DOCK2: variants seen among roughly 807,000 people sequenced by gnomAD.
The protein encoded by DOCK2 is dedicator of cytokinesis protein 2.
A neutral mutation model predicts 248.9 loss-of-function variants in DOCK2; 87 were observed. The observed-to-expected ratio is 0.35, with a 90% CI of 0.29 to 0.42. DOCK2 has a LOEUF of 0.42. Among genes scored for constraint, DOCK2 ranks in the 10% least tolerant of loss-of-function variants. DOCK2 has a pLI of 1.00. For synonymous variants in DOCK2, 805 were observed against 821.6 expected (o/e 0.98, Z 0.35); for missense variants, 1,747 against 2,300.2 (o/e 0.76, Z 4.92).
intron 44 of DOCK2, among the ~76,000 whole-genome samples, chr5:170,061,796 G>C (rs1260518920): frequency 6.6e-6 from 1 of 152,160 alleles, no homozygotes; most frequent in Non-Finnish European, 1.5e-5. Flanking sequence ...TTCAGATATG[G>C]CAGTCTATTG....
chr5:169,641,706 G>A (rs1371382078), intron 1 of DOCK2, among the ~76,000 whole-genome samples: 4 of 152,156 alleles, frequency 2.6e-5, no homozygotes, highest in African/African-American at 7.2e-5. Flanking sequence ...CTCTGAGCAT[G>A]CCAACTGTGG....
chr5:169,865,681 G>A (rs1373160553), intron 27 of DOCK2, among the ~76,000 whole-genome samples: 2 of 152,242 alleles, frequency 1.3e-5, no homozygotes, highest in Non-Finnish European at 2.9e-5. Context: ...TGAGGAGCCA[G>A]CGTGGGAGTG....
At chr5:169,666,113 C>T (rs1387642123) in intron 2 of DOCK2, among the ~76,000 whole-genome samples, 2 of 152,080 alleles carry the variant, frequency 1.3e-5, no homozygotes, top group African/African-American at 4.8e-5. Context: ...ATCTAGGCAC[C>T]AGCAGATCTG....
At chr5:169,801,147 T>G (rs10038728) in intron 25 of DOCK2, among the ~76,000 whole-genome samples, 8,284 of 17,954 alleles carry the variant, frequency 0.46, 676 homozygotes, top group Middle Eastern at 0.54. Context: ...TAGTTTTGGG[T>G]TTTTTTTTTT....
intron 29 of DOCK2, among the ~76,000 whole-genome samples, chr5:169,989,246 CT>C (rs1318266132): frequency 2.6e-5 from 4 of 152,216 alleles, no homozygotes; most frequent in African/African-American, 9.6e-5. Flanking sequence ...GAGTGTTTTT[CT>C]TTTTGGTAAG....
intron 2 of DOCK2, among the ~76,000 whole-genome samples, chr5:169,668,160 G>A (rs1227925150): frequency 2.6e-5 from 4 of 152,152 alleles, no homozygotes; most frequent in African/African-American, 4.8e-5. Flanking sequence ...GATAATAACC[G>A]TTCCTACTTC....
At chr5:170,000,874 A>G (rs778154782) in intron 30 of DOCK2, among the ~76,000 whole-genome samples, 52 of 152,332 alleles carry the variant, frequency 3.4e-4, no homozygotes, top group Non-Finnish European at 5.9e-4. Flanking sequence ...TAGTAGAGGC[A>G]TGAGAGCCAC....
chr5:169,945,337 T>C (rs1181251185), intron 27 of DOCK2, among the ~76,000 whole-genome samples: 2 of 152,246 alleles, frequency 1.3e-5, no homozygotes, highest in Non-Finnish European at 2.9e-5. Context: ...AGAAGACATA[T>C]ATAATTTTGG....
At chr5:170,061,851 T>C (rs1388020328) in intron 44 of DOCK2, among the ~76,000 whole-genome samples, 2 of 152,270 alleles carry the variant, frequency 1.3e-5, no homozygotes, top group Non-Finnish European at 2.9e-5. Context: ...GCGGTGGTGA[T>C]AGATTTTCAG....
In DOCK2 at chr5:169,845,317, G is replaced by A. The variant is rs577842428; in HGVS notation, c.2799+4465G>A. 5.3e-5 allele frequency among the ~76,000 whole-genome samples: 8 copies of A among 152,018 alleles called. 1 individual carries two copies. Among genetic ancestry groups the A allele is most frequent in the Admixed American group, 2.6e-4 (4 of 15,246 alleles). On this transcript the variant is annotated intron_variant, in intron 27 of 51. Transcript: ENST00000520908. ...CTGTCCCTTGCCCTGTGTTCTCCGA[G>A]GCCCTGTGCATACTTAGGTCACTGT...
At chr5:169,833,496 C>T (rs1040061116) in intron 26 of DOCK2, among the ~76,000 whole-genome samples, 9 of 152,108 alleles carry the variant, frequency 5.9e-5, no homozygotes, top group African/African-American at 1.9e-4. Flanking sequence ...ACAAAGTTTC[C>T]GGAAATGGTA....
intron 26 of DOCK2, among the ~76,000 whole-genome samples, chr5:169,824,995 T>A (rs1176468168): frequency 6.6e-6 from 1 of 152,194 alleles, no homozygotes; most frequent in African/African-American, 2.4e-5. Flanking sequence ...AAGACATTTA[T>A]GCAGCCAAAA....
At chr5:169,997,110 G>GGA in intron 30 of DOCK2, among the ~76,000 whole-genome samples, 1 of 151,484 alleles carries the variant, frequency 6.6e-6, no homozygotes, top group East Asian at 1.9e-4. Flanking sequence ...ACAATTGTGG[G>GGA]GAGAGGGTCA....
rs1772726500 is a variant in DOCK2 at position 169,882,702 on chromosome 5, A to G, written c.2799+41850A>G. ...CACCCCGTGCCAGGTGAATTTGATT[A>G]ATGTCACTAATCTCCCTGTTGCTCT... is the stretch of plus-strand genomic sequence containing the variant. On this transcript the variant is annotated intron_variant, in intron 27 of 51. Coordinates refer to ENST00000520908, the MANE Select transcript of DOCK2 (RefSeq NM_004946.3). 1.9e-6 allele frequency: 3 copies of G among 1,551,892 alleles called. No individual in the cohort carries two copies. In the African/African-American group the frequency reaches 4.1e-5, roughly 21 times the overall value.
intron 33 of DOCK2, among the ~76,000 whole-genome samples, chr5:170,021,774 G>A (rs1310683840): frequency 6.6e-6 from 1 of 152,084 alleles, no homozygotes; most frequent in Non-Finnish European, 1.5e-5. Context: ...GGGATACGCC[G>A]GCCCAGGCAT....
intron 25 of DOCK2, among the ~76,000 whole-genome samples, chr5:169,779,080 T>C (rs1038535647): frequency 3.9e-5 from 6 of 152,132 alleles, no homozygotes; most frequent in Non-Finnish European, 5.9e-5. Flanking sequence ...TGACTCAATT[T>C]TGCTGTGAAC....
At chr5:169,748,790 G>C (rs1056135947) in intron 23 of DOCK2, among the ~76,000 whole-genome samples, 10 of 152,124 alleles carry the variant, frequency 6.6e-5, no homozygotes, top group African/African-American at 2.4e-4. Context: ...AGGAGGAAGA[G>C]GTATAAATGA....
chr5:170,045,242 T>C (rs1248905876), intron 38 of DOCK2, among the ~76,000 whole-genome samples: 2 of 152,326 alleles, frequency 1.3e-5, no homozygotes, highest in African/African-American at 4.8e-5. Context: ...AACTGGGGCC[T>C]GGTCCCAACT....
Position 169,996,236 on chromosome 5 carries a change from A to G in DOCK2, c.3072+72A>G, listed in dbSNP as rs1025812961. On this transcript the variant is annotated intron_variant, in intron 30 of 51. Coordinates refer to ENST00000520908, the MANE Select transcript of DOCK2 (RefSeq NM_004946.3). ...TCTGACATTCTGGGCTGATTGCTCCATCAGACACATCCCAAAGGCCACAGA... is the reference window on the plus strand; with the variant it reads ...TCTGACATTCTGGGCTGATTGCTCCGTCAGACACATCCCAAAGGCCACAGA... 166 of 1,478,798 alleles carry G rather than the reference A, an allele frequency of 1.1e-4. 1 individual carries two copies. The highest frequency in any genetic ancestry group is 6.0e-4 in the Middle Eastern group (3 of 4,964). The allele number at this position is 1,478,798 out of a possible 1,614,324, so 91.6% of individuals were successfully genotyped here. A position where few individuals can be genotyped will look rare whatever the true frequency, so the allele number is the denominator to read the frequency against.
Sources: allele counts gnomAD v4.1 joint callset (sites outside exome capture counted in the v4.1 genomes callset), GRCh38; gene constraint gnomAD v4.1.1; transcripts MANE v1.5; gene names NCBI Gene and HGNC (gene_info 2026-07-23, HGNC 2026-07-21).